The following TLK2 variants were observed in gnomAD, a reference collection of about 807,000 sequenced individuals.
TLK2 encodes the protein tousled like kinase 2, also known as serine/threonine-protein kinase tousled-like 2.
TLK2 carries 6 observed loss-of-function variants against 117.3 expected under a neutral mutation model. The ratio of observed to expected loss-of-function variants is 0.05; its 90% CI spans 0.03 to 0.10. The LOEUF (loss-of-function observed/expected upper bound fraction) is 0.10. TLK2 is among the 10% of genes least tolerant of loss of function. The pLI is 1.00. For missense variants in TLK2, 299 were observed against 901.2 expected (o/e 0.33, Z 8.56); for synonymous variants, 257 against 316.7 (o/e 0.81, Z 2.00).
At chr17:62,502,580 CAAAGTA>C (rs1471337389) in intron 2 of TLK2, among the ~76,000 whole-genome samples, 6 of 152,098 alleles carry the variant, frequency 3.9e-5, no homozygotes, top group African/African-American at 1.2e-4. Flanking sequence ...TTACAGATTA[CAAAGTA>C]AAAGTAAAAC....
chr17:62,561,961 A>C (rs2079316296), intron 10 of TLK2, among the ~76,000 whole-genome samples: 1 of 152,158 alleles, frequency 6.6e-6, no homozygotes, highest in Non-Finnish European at 1.5e-5. Context: ...TATATAACAA[A>C]ATTTAAATTT....
At chr17:62,586,376 C>G (rs186801534) in intron 16 of TLK2, 150 bp downstream of exon 16, 4 of 612,474 alleles carry the variant, frequency 6.5e-6, no homozygotes, top group Non-Finnish European at 1.2e-5. Flanking sequence ...CTCAGTGTTA[C>G]GACGAGGAAA....
chr17:62,553,806 TA>T, intron 9 of TLK2, 51 bp downstream of exon 9: 1 of 1,153,108 alleles, frequency 8.7e-7, no homozygotes, highest in Middle Eastern at 2.0e-4. Context: ...TTGTTATATA[TA>T]TTTGGATTAT....
rs1346661013 is a variant in TLK2 at position 62,612,288 on chromosome 17, GT to G, written c.2080-102del. 2.3e-6 allele frequency: 3 copies of G among 1,286,472 alleles called. No homozygotes were observed. The African/African-American group carries it at 4.5e-5, about 19-fold the overall frequency. 79.7% of individuals were successfully genotyped at this position (1,286,472 alleles called of 1,614,324 possible). On this transcript the variant is annotated intron_variant, in intron 21 of 21. Coordinates refer to ENST00000346027, the MANE Select transcript of TLK2 (RefSeq NM_006852.6). ...GAAGGCCTTAAGCCCCTTCTCTTTAGTTGATATTTGCTCTGGGCCCTGGCAG... is the reference window on the plus strand; with the variant it reads ...GAAGGCCTTAAGCCCCTTCTCTTTAGTGATATTTGCTCTGGGCCCTGGCAG...
chr17:62,513,129 G>A lies in TLK2; in HGVS notation c.82-7644G>A, dbSNP rs923162526. On this transcript the variant is annotated intron_variant, in intron 2 of 21. Coordinates refer to ENST00000346027, the MANE Select transcript of TLK2 (RefSeq NM_006852.6). ...ACCAGACCTCAGGTGATCCACCTGC[G>A]TCGGCCTCCCAAAGTGCTGGGATTA... is the stretch of plus-strand genomic sequence containing the variant. Among the ~76,000 whole-genome samples the A allele has an allele frequency of 4.0e-5, 6 of 151,382 alleles. No individual in the cohort carries two copies. The South Asian group carries it at 6.2e-4, about 16-fold the overall frequency.
At chr17:62,564,905 A>G in intron 10 of TLK2, 96 bp from the exon 11 acceptor site, 1 of 1,440,832 alleles carries the variant, frequency 6.9e-7, no homozygotes, top group Non-Finnish European at 9.3e-7. Context: ...TTTCAATAAT[A>G]TGTTTCCTGA....
intron 2 of TLK2, among the ~76,000 whole-genome samples, chr17:62,488,650 G>A (rs1464603384): frequency 6.6e-6 from 1 of 151,984 alleles, no homozygotes; most frequent in Non-Finnish European, 1.5e-5. Context: ...CATTGCTACT[G>A]CCTTAATCCA....
At chr17:62,574,229 C>T in intron 12 of TLK2, 3 of 1,431,214 alleles carry the variant, frequency 2.1e-6, no homozygotes, top group South Asian at 1.5e-5. Context: ...TTCTTTCATT[C>T]TAGTGAGAAA....
At chr17:62,610,549 G>C (rs1598928083) in intron 21 of TLK2, among the ~76,000 whole-genome samples, 1 of 152,182 alleles carries the variant, frequency 6.6e-6, no homozygotes, top group Non-Finnish European at 1.5e-5. Flanking sequence ...TGATGGCATG[G>C]TTAGGGAAGG....
intron 2 of TLK2, among the ~76,000 whole-genome samples, chr17:62,514,868 C>T (rs528025544): frequency 6.6e-6 from 1 of 152,278 alleles, no homozygotes; most frequent in Non-Finnish European, 1.5e-5. Context: ...CGTGAGCCAC[C>T]GCGCCCAGCC....
intron 7 of TLK2, among the ~76,000 whole-genome samples, chr17:62,545,339 A>G (rs1372637538): frequency 6.6e-6 from 1 of 152,208 alleles, no homozygotes; most frequent in East Asian, 1.9e-4. Context: ...TTAATTGTAA[A>G]GAAAATTCTG....
chr17:62,487,326 A>G (rs1364067507), intron 2 of TLK2, among the ~76,000 whole-genome samples: 1 of 151,270 alleles, frequency 6.6e-6, no homozygotes, highest in Non-Finnish European at 1.5e-5. Flanking sequence ...ATGATTGCAA[A>G]ATGAAAGAAT....
At chr17:62,513,054 A>G (rs1452184158) in intron 2 of TLK2, among the ~76,000 whole-genome samples, 1 of 150,796 alleles carries the variant, frequency 6.6e-6, no homozygotes, top group Admixed American at 6.6e-5. Context: ...AACTTTTTGT[A>G]TTTTTAGTAG....
At chr17:62,475,312 C>G (rs1437768353), upstream of TLK2, among the ~76,000 whole-genome samples, 2 of 152,046 alleles carry the variant, frequency 1.3e-5, no homozygotes, top group African/African-American at 2.4e-5. Context: ...AGATGCCCCA[C>G]CTGTTCTACA....
chr17:62,490,048 T>G (rs913648388), intron 2 of TLK2, among the ~76,000 whole-genome samples: 1 of 152,210 alleles, frequency 6.6e-6, no homozygotes, highest in African/African-American at 2.4e-5. Flanking sequence ...CAGGCTGGTC[T>G]TGAACTCCTG....
chr17:62,555,316 T>TCTGA (rs1338117700), intron 9 of TLK2, among the ~76,000 whole-genome samples: 2 of 152,118 alleles, frequency 1.3e-5, no homozygotes, highest in African/African-American at 4.8e-5. Context: ...CTCATGATGA[T>TCTGA]CTGACTTCCA....
At chr17:62,499,062 C>T (rs1448118690) in intron 2 of TLK2, among the ~76,000 whole-genome samples, 1 of 151,864 alleles carries the variant, frequency 6.6e-6, no homozygotes, top group Non-Finnish European at 1.5e-5. Flanking sequence ...CGAGGTTGGC[C>T]AGGCGCAGTG....
rs1374227161 is a variant in TLK2, at chr17:62,614,489, C to G, written c.*1924C>G. 4.6e-5 allele frequency: 7 copies of G among 152,192 alleles called. No individual in the cohort carries two copies. The East Asian group carries it at 1.3e-3, about 29-fold the overall frequency. 9.4% of individuals were successfully genotyped at this position (152,192 alleles called of 1,614,324 possible). Reference sequence around the variant, plus strand: ...ACTCATGACTCTAGTGTTCCTTTCACATGTGAACAGTGTCACTGATGACAC... The same window carrying G: ...ACTCATGACTCTAGTGTTCCTTTCAGATGTGAACAGTGTCACTGATGACAC... On this transcript the variant is annotated 3_prime_UTR_variant, in exon 22 of 22. Coordinates refer to ENST00000346027, the MANE Select transcript of TLK2 (RefSeq NM_006852.6).
chr17:62,537,718 A>G (rs1413882416), intron 7 of TLK2, among the ~76,000 whole-genome samples: 1 of 152,108 alleles, frequency 6.6e-6, no homozygotes, highest in Non-Finnish European at 1.5e-5. Flanking sequence ...TATTAATCTT[A>G]CTTAAATGTA....
Sources: gnomAD v4.1 joint callset for allele counts (sites outside exome capture counted in the v4.1 genomes callset) on GRCh38, gnomAD v4.1.1 for gene constraint, MANE v1.5 for transcripts, NCBI Gene and HGNC (gene_info 2026-07-23, HGNC 2026-07-21) for gene names.